Variants in PSORS1C1 observed in about 807,000 individuals in gnomAD.
The protein encoded by PSORS1C1 is psoriasis susceptibility 1 candidate gene 1 protein.
Under a neutral mutation model 9.4 loss-of-function variants are expected in PSORS1C1, and 7 were observed. That is an observed-to-expected ratio of 0.75 (90% CI 0.42 to 1.40). PSORS1C1 has a LOEUF of 1.40. Ranked by LOEUF, PSORS1C1 falls within the 40% of genes most tolerant of loss-of-function variation. The probability of loss-of-function intolerance (pLI) is 0.01; values close to 1 mark genes in which losing one functional copy is unlikely to be tolerated. For missense variants in PSORS1C1, 146 were observed against 178.1 expected (o/e 0.82, Z 1.02); for synonymous variants, 63 against 69.4 (o/e 0.91, Z 0.46).
At chr6:31,131,055 G>A (rs3131009) in intron 3 of PSORS1C1, among the ~76,000 whole-genome samples, 115,845 of 151,720 alleles carry the variant, frequency 0.76, 44,680 homozygotes, top group East Asian at 0.88. Flanking sequence ...GCACAGTTCT[G>A]ATAGAGGAGA....
At chr6:31,127,230 A>G (rs6931464) in intron 2 of PSORS1C1, among the ~76,000 whole-genome samples, 36,943 of 151,930 alleles carry the variant, frequency 0.24, 4,826 homozygotes, top group Middle Eastern at 0.37. Flanking sequence ...TGGAGCGCCT[A>G]GGAATGGGAC....
chr6:31,125,409 A>G (rs1182414388), intron 1 of PSORS1C1, among the ~76,000 whole-genome samples: 1 of 152,138 alleles, frequency 6.6e-6, no homozygotes, highest in African/African-American at 2.4e-5. Context: ...CACTCCCAGT[A>G]GGGGATGTCC....
In PSORS1C1 at chr6:31,131,434, A is replaced by G. The variant is rs191335798; in HGVS notation, c.13+1789A>G. Among the ~76,000 whole-genome samples the G allele has an allele frequency of 6.6e-5, 10 of 152,084 alleles. No homozygotes were observed. The East Asian group carries it at 1.9e-3, about 29-fold the overall frequency. On this transcript the variant is annotated intron_variant, in intron 3 of 5. Coordinates refer to ENST00000259881, the MANE Select transcript of PSORS1C1 (RefSeq NM_014068.3). ...TGGTGAAACCCCGTGTCTACTAAAA[A>G]AAAACTACAAAAATTAGCCAGGTAT...
At position 31,129,563 on chromosome 6, in the gene PSORS1C1, T is replaced by C; in HGVS notation, c.-64-6T>C. 2.6e-6 allele frequency: 2 copies of C among 777,512 alleles called. No homozygotes were observed. The highest frequency in any genetic ancestry group is 4.8e-6 in the Non-Finnish European group (2 of 417,014). The allele number at this position is 777,512 out of a possible 1,614,324, so 48.2% of individuals were successfully genotyped here. ...CTCTTTCCCACTCACCTACCTGCCA[T>C]GTCAGCCTGGGAAGAATTGGTTTGC... On this transcript the variant is annotated splice_polypyrimidine_tract_variant and splice_region_variant and intron_variant, in intron 2 of 5. Coordinates refer to ENST00000259881, the MANE Select transcript of PSORS1C1 (RefSeq NM_014068.3).
chr6:31,138,324 G>A (rs747763980), intron 3 of PSORS1C1, 106 bp from the exon 4 acceptor site: 1 of 1,606,320 alleles, frequency 6.2e-7, no homozygotes, highest in African/African-American at 1.3e-5. Flanking sequence ...GGAGGAAGGA[G>A]AAAGGTAAGA....
At chr6:31,118,840 C>CTTTTT (rs199861968) in intron 1 of PSORS1C1, 5 of 124,938 alleles carry the variant, frequency 4.0e-5, no homozygotes, top group Middle Eastern at 4.3e-3. Context: ...TTTTCTTCTT[C>CTTTTT]TTCTTTTTTT....
In PSORS1C1 at chr6:31,116,834, C is replaced by T. The variant is rs141159384; in HGVS notation, c.-229+1943C>T. ...TGAACCACTCCAGGGGCACCAGAAC[C>T]GTGCTGGTCCACCACCACCACCACA... On this transcript the variant is annotated intron_variant, in intron 1 of 5. Transcript: ENST00000259881. 26 of 1,614,026 alleles carry T rather than the reference C, an allele frequency of 1.6e-5. No individual in the cohort carries two copies. In the Middle Eastern group the frequency reaches 1.2e-3, roughly 72 times the overall value.
chr6:31,136,018 A>C (rs1313874436), intron 3 of PSORS1C1, among the ~76,000 whole-genome samples: 1 of 152,164 alleles, frequency 6.6e-6, no homozygotes, highest in Admixed American at 6.5e-5. Flanking sequence ...GTGCCACTGC[A>C]CTCCAGCCTG....
chr6:31,119,259 G>A (rs1772335107), intron 1 of PSORS1C1, among the ~76,000 whole-genome samples: 2 of 150,934 alleles, frequency 1.3e-5, no homozygotes, highest in Non-Finnish European at 1.5e-5. Flanking sequence ...TCTCTCCTCA[G>A]AAAGAAATTC....
At position 31,117,637 on chromosome 6, in the gene PSORS1C1, G is replaced by T. The variant is rs144820504; in HGVS notation, c.-229+2746G>T. ...CTCTCGGGTTTCTCCCAAGCAGAGCGCAGGGAGAGTTTAGGGATGGAGAAA... is the reference window on the plus strand; with the variant it reads ...CTCTCGGGTTTCTCCCAAGCAGAGCTCAGGGAGAGTTTAGGGATGGAGAAA... On this transcript the variant is annotated intron_variant, in intron 1 of 5. Transcript: ENST00000259881. The T allele has an allele frequency of 4.5e-5, 42 of 927,436 alleles. No individual in the cohort carries two copies. In the African/African-American group the frequency reaches 5.4e-4, roughly 12 times the overall value. The allele number at this position is 927,436 out of a possible 1,614,324, so 57.5% of individuals were successfully genotyped here.
In PSORS1C1 at chr6:31,128,978, G is replaced by T. The variant is rs1412425799; in HGVS notation, c.-64-591G>T. Among the ~76,000 whole-genome samples, 5 of 152,210 alleles carry T rather than the reference G, an allele frequency of 3.3e-5. No homozygotes were observed. Among genetic ancestry groups the T allele is most frequent in the Non-Finnish European group, 5.9e-5 (4 of 68,040 alleles). Reference sequence around the variant, plus strand: ...AGCAGATGCTCAATGAATGTTGATTGTGTGGGCAAATGGATGAACAAATGA... The same window carrying T: ...AGCAGATGCTCAATGAATGTTGATTTTGTGGGCAAATGGATGAACAAATGA... On this transcript the variant is annotated intron_variant, in intron 2 of 5. Coordinates refer to ENST00000259881, the MANE Select transcript of PSORS1C1 (RefSeq NM_014068.3). This position sits in a 1 kb window ranked among gnomAD's most constrained non-coding sequence, Gnocchi z 4.3.
chr6:31,137,323 G>A (rs1306646691), intron 3 of PSORS1C1, among the ~76,000 whole-genome samples: 1 of 151,908 alleles, frequency 6.6e-6, no homozygotes, highest in Non-Finnish European at 1.5e-5. Context: ...CTGGCGTGGT[G>A]GCGGGCGCCT....
At position 31,127,814 on chromosome 6, in the gene PSORS1C1, CAA is replaced by C. The variant is rs754619698; in HGVS notation, c.-64-1749_-64-1748del. On this transcript the variant is annotated intron_variant, in intron 2 of 5. Coordinates refer to ENST00000259881, the MANE Select transcript of PSORS1C1 (RefSeq NM_014068.3). The stretch of plus-strand genomic sequence containing the variant: ...GGGCGACAAGAGCGAAACTCTGTCT[CAA>C]AAAAACACACATACACACACACGTT... 6.4e-4 allele frequency among the ~76,000 whole-genome samples: 92 copies of C among 142,930 alleles called. No homozygotes were observed. In the East Asian group the frequency reaches 8.5e-3, roughly 13 times the overall value. The allele number at this position is 142,930 out of a possible 152,430, so 93.8% of individuals were successfully genotyped here.
chr6:31,115,893 AG>A lies in PSORS1C1; in HGVS notation c.-229+1003del. ...TCTGCAACCTTGGGGTAGTGGAGAA[AG>A]CAGAACCACTCTTTTGGGAAGGAGG... On this transcript the variant is annotated intron_variant, in intron 1 of 5. Coordinates refer to ENST00000259881, the MANE Select transcript of PSORS1C1 (RefSeq NM_014068.3). The surrounding 1 kb of genome is among the most constrained non-coding windows in gnomAD (Gnocchi z 4.2). The A allele has an allele frequency of 1.3e-6, 1 of 782,074 alleles. No individual in the cohort carries two copies. The highest frequency in any genetic ancestry group is 2.2e-6 in the Non-Finnish European group (1 of 459,988). 48.4% of individuals were successfully genotyped at this position (782,074 alleles called of 1,614,324 possible).
intron 3 of PSORS1C1, 65 bp from the exon 4 acceptor site, chr6:31,138,365 C>T (rs1773267435): frequency 6.3e-7 from 1 of 1,591,718 alleles, no homozygotes; most frequent in Non-Finnish European, 8.6e-7. Flanking sequence ...CCAGCCCCAC[C>T]CAGCCCCAGC....
At chr6:31,137,981 G>C (rs1773232260) in intron 3 of PSORS1C1, 1 of 1,512,668 alleles carries the variant, frequency 6.6e-7, no homozygotes. Context: ...GTGGGTCTAG[G>C]TCTGGCTCCT....
At chr6:31,118,259 G>C (rs900558104) in intron 1 of PSORS1C1, 4 of 152,504 alleles carry the variant, frequency 2.6e-5, no homozygotes, top group Non-Finnish European at 5.9e-5. Context: ...TTCTTCGTGA[G>C]AGCCCAGGCT....
intron 1 of PSORS1C1, among the ~76,000 whole-genome samples, chr6:31,121,131 T>G (rs1364759541): frequency 6.8e-6 from 1 of 146,662 alleles, no homozygotes; most frequent in Non-Finnish European, 1.5e-5. Flanking sequence ...CTCCCTGACC[T>G]GTCGCTTCTG....
chr6:31,122,902 G>A (rs1453908642), intron 1 of PSORS1C1, among the ~76,000 whole-genome samples: 7 of 152,160 alleles, frequency 4.6e-5, no homozygotes, highest in African/African-American at 1.7e-4. Flanking sequence ...GTAATGAGGG[G>A]AGTGGCAGAG....
Sources: allele counts gnomAD v4.1 joint callset (sites outside exome capture counted in the v4.1 genomes callset), GRCh38; gene constraint gnomAD v4.1.1; non-coding constraint Gnocchi (gnomAD v3.1); transcripts MANE v1.5; gene names NCBI Gene and HGNC (gene_info 2026-07-23, HGNC 2026-07-21).